Variants in PTPRM observed in about 807,000 individuals in gnomAD.
PTPRM encodes receptor-type tyrosine-protein phosphatase mu.
Under a neutral mutation model 186.7 loss-of-function variants are expected in PTPRM, and 47 were observed. The ratio of observed to expected loss-of-function variants is 0.25; its 90% CI spans 0.20 to 0.32. The LOEUF is 0.32. Ranked by LOEUF, PTPRM falls within the 10% of genes least tolerant of loss-of-function variation. The probability of loss-of-function intolerance (pLI) is 1.00; values close to 1 mark genes in which losing one functional copy is unlikely to be tolerated. For synonymous variants in PTPRM, 668 were observed against 674.9 expected, an observed-to-expected ratio of 0.99 and a Z score of 0.16; for missense variants, 1,494 against 1,865.0, an observed-to-expected ratio of 0.80 and a Z score of 3.66.
intron 23 of PTPRM, among the ~76,000 whole-genome samples, chr18:8,347,206 A>C (rs532656342): frequency 1.3e-5 from 2 of 152,368 alleles, no homozygotes; most frequent in African/African-American, 4.8e-5. Flanking sequence ...GCTCGCTTAC[A>C]GGAAGAGTCC....
At chr18:7,615,333 A>G (rs2037776050) in intron 1 of PTPRM, among the ~76,000 whole-genome samples, 1 of 152,304 alleles carries the variant, frequency 6.6e-6, no homozygotes, top group Admixed American at 6.5e-5. Context: ...TTCAAGGATC[A>G]TGCTTAGTTT....
intron 2 of PTPRM, among the ~76,000 whole-genome samples, chr18:7,874,076 G>A (rs747067551): frequency 2.0e-4 from 30 of 151,426 alleles, no homozygotes; most frequent in Non-Finnish European, 3.5e-4. Context: ...GCAGAGGAAT[G>A]TGTCAGCTTA....
chr18:7,728,460 G>A (rs962186433), intron 1 of PTPRM, among the ~76,000 whole-genome samples: 3 of 152,026 alleles, frequency 2.0e-5, no homozygotes, highest in Non-Finnish European at 4.4e-5. Context: ...GCTCCTCCCT[G>A]CATAAGGCGC....
At chr18:8,225,107 G>A (rs2094198211) in intron 14 of PTPRM, among the ~76,000 whole-genome samples, 1 of 152,080 alleles carries the variant, frequency 6.6e-6, no homozygotes, top group Non-Finnish European at 1.5e-5. Flanking sequence ...TCTTAATTCT[G>A]TCATTCCTTC....
At chr18:8,254,367 G>A (rs998640485) in intron 19 of PTPRM, among the ~76,000 whole-genome samples, 5 of 152,240 alleles carry the variant, frequency 3.3e-5, no homozygotes, top group African/African-American at 1.2e-4. Flanking sequence ...ATTCAAAGAA[G>A]CATGCCATCC....
intron 2 of PTPRM, among the ~76,000 whole-genome samples, chr18:7,880,415 G>A (rs1475259059): frequency 2.6e-5 from 4 of 152,150 alleles, no homozygotes; most frequent in Non-Finnish European, 5.9e-5. Flanking sequence ...CAGGGCAAAC[G>A]GAAAGAAAAT....
chr18:7,667,257 G>A (rs2144445081), intron 1 of PTPRM, among the ~76,000 whole-genome samples: 1 of 152,306 alleles, frequency 6.6e-6, no homozygotes, highest in East Asian at 1.9e-4. Flanking sequence ...GAAAAATGCG[G>A]AGGACCACTC....
At chr18:8,056,135 T>C (rs926285035) in intron 7 of PTPRM, among the ~76,000 whole-genome samples, 8 of 152,208 alleles carry the variant, frequency 5.3e-5, no homozygotes, top group Non-Finnish European at 7.3e-5. Flanking sequence ...CATTTATTAA[T>C]TTATCTAATT....
In PTPRM at chr18:8,052,663, T is replaced by A. The variant is rs533912159; in HGVS notation, c.1133-17023T>A. ...CTGTATTTTTGAAAATCTGCCAGGT[T>A]ATTCTTCTAAGTGAAGGAATACTAT... On this transcript the variant is annotated intron_variant, in intron 7 of 32. Transcript: ENST00000580170. 5.9e-5 allele frequency among the ~76,000 whole-genome samples: 9 copies of A among 152,328 alleles called. No homozygotes were observed. The East Asian group carries it at 1.2e-3, about 20-fold the overall frequency.
chr18:8,127,826 G>C (rs1381425046), intron 13 of PTPRM, among the ~76,000 whole-genome samples: 1 of 152,128 alleles, frequency 6.6e-6, no homozygotes, highest in African/African-American at 2.4e-5. Context: ...CCTACCATGA[G>C]CTCTACATAA....
Position 7,567,923 on chromosome 18 carries a change from CGCGCGGGCCG to C in PTPRM, c.73+40_73+49del. On this transcript the variant is annotated intron_variant, in intron 1 of 32. Coordinates refer to ENST00000580170, the MANE Select transcript of PTPRM (RefSeq NM_001105244.2). The surrounding 1 kb of genome is among the most constrained non-coding windows in gnomAD (Gnocchi z 4.3). Reference sequence around the variant, plus strand: ...GGGACCGCCTCTGCCGCCCCCGAGGCGCGCGGGCCGGCGCGGGACGCCCGGGACGCCGACA... The same window carrying C: ...GGGACCGCCTCTGCCGCCCCCGAGGCGCGCGGGACGCCCGGGACGCCGACA... 1 of 1,531,506 alleles carries C rather than the reference CGCGCGGGCCG, an allele frequency of 6.5e-7. No homozygotes were observed. The highest frequency in any genetic ancestry group is 8.7e-7 in the Non-Finnish European group (1 of 1,148,954). The allele number at this position is 1,531,506 out of a possible 1,614,324, so 94.9% of individuals were successfully genotyped here. A position where few individuals can be genotyped will look rare whatever the true frequency, so the allele number is the denominator to read the frequency against.
intron 2 of PTPRM, among the ~76,000 whole-genome samples, chr18:7,776,695 C>G (rs2042600065): frequency 6.6e-6 from 1 of 152,054 alleles, no homozygotes; most frequent in Non-Finnish European, 1.5e-5. Context: ...AGTGAACAAT[C>G]TAAAATGATA....
At chr18:8,028,694 A>G (rs930831075) in intron 7 of PTPRM, among the ~76,000 whole-genome samples, 3 of 152,280 alleles carry the variant, frequency 2.0e-5, no homozygotes, top group African/African-American at 7.2e-5. Context: ...TATATCAGAC[A>G]CTGGAGTTAG....
At chr18:8,172,716 A>G (rs912832320) in intron 14 of PTPRM, among the ~76,000 whole-genome samples, 1 of 152,150 alleles carries the variant, frequency 6.6e-6, no homozygotes, top group African/African-American at 2.4e-5. Context: ...AAAAGAAAAA[A>G]AAAACTTCTG....
intron 7 of PTPRM, among the ~76,000 whole-genome samples, chr18:7,996,286 T>G (rs532072723): frequency 6.6e-6 from 1 of 152,150 alleles, no homozygotes; most frequent in Admixed American, 6.6e-5. Flanking sequence ...ACTACATCAA[T>G]AGTATAAAAG....
intron 7 of PTPRM, among the ~76,000 whole-genome samples, chr18:7,994,607 A>G (rs2083438412): frequency 6.6e-6 from 1 of 152,198 alleles, no homozygotes; most frequent in Admixed American, 6.6e-5. Flanking sequence ...AATATAAAAA[A>G]GTCAAAATCA....
chr18:8,071,291 G>A (rs1027890219), intron 8 of PTPRM, among the ~76,000 whole-genome samples: 7 of 152,106 alleles, frequency 4.6e-5, no homozygotes, highest in African/African-American at 1.7e-4. Context: ...TTTCTCTATT[G>A]ACTCTGGTCC....
rs927601631 is a variant in PTPRM, at chr18:7,777,335, TA to T, written c.196+3073del. Among the ~76,000 whole-genome samples the T allele has an allele frequency of 5.6e-3, 853 of 151,016 alleles. 8 individuals carry two copies. The highest frequency in any genetic ancestry group is 0.02 in the African/African-American group (814 of 41,150). Reference sequence around the variant, plus strand: ...AGTGGTTGTTACATGTTTTAATAGTTAAAAAAAAAGCAAAAAGAATAATAAA... The same window carrying T: ...AGTGGTTGTTACATGTTTTAATAGTTAAAAAAAAGCAAAAAGAATAATAAA... On this transcript the variant is annotated intron_variant, in intron 2 of 32. Transcript: ENST00000580170.
chr18:8,079,926 G>C (rs2090035757), intron 9 of PTPRM, among the ~76,000 whole-genome samples: 1 of 151,936 alleles, frequency 6.6e-6, no homozygotes, highest in African/African-American at 2.4e-5. Flanking sequence ...CTGCTACGTA[G>C]TAATAAGAAA....
Sources: gnomAD v4.1 joint callset for allele counts (sites outside exome capture counted in the v4.1 genomes callset) on GRCh38, gnomAD v4.1.1 for gene constraint, Gnocchi (gnomAD v3.1) non-coding constraint, MANE v1.5 for transcripts, NCBI Gene and HGNC (gene_info 2026-07-23, HGNC 2026-07-21) for gene names.